The following MCC variants were observed in gnomAD, a reference collection of about 807,000 sequenced individuals.
The protein encoded by MCC is MCC regulator of Wnt signaling pathway, also known as colorectal mutant cancer protein.
In MCC, 90 loss-of-function variants were observed where a neutral mutation model predicts 116.2. The ratio of observed to expected loss-of-function variants is 0.77; its 90% CI spans 0.65 to 0.92. The LOEUF is 0.92. Ranked by LOEUF, MCC falls within the 40% of genes least tolerant of loss-of-function variation. The pLI, the probability that MCC is intolerant of heterozygous loss-of-function variation, is 0.00. For missense variants in MCC, 1,516 were observed against 1,312.2 expected (o/e 1.16, Z -2.40); for synonymous variants, 578 against 510.5 (o/e 1.13, Z -1.78).
intron 3 of MCC, among the ~76,000 whole-genome samples, chr5:113,310,189 G>A (rs1581390636): frequency 6.6e-6 from 1 of 152,202 alleles, no homozygotes; most frequent in East Asian, 1.9e-4. Context: ...AAGAGGTGTG[G>A]CCTTTGGGAA....
At chr5:113,443,586 G>A (rs569953194) in intron 1 of MCC, among the ~76,000 whole-genome samples, 2 of 152,280 alleles carry the variant, frequency 1.3e-5, no homozygotes, top group East Asian at 3.9e-4. Context: ...TTTTCAAAGG[G>A]AATGCTTCCA....
intron 2 of MCC, among the ~76,000 whole-genome samples, chr5:113,353,468 C>G (rs1768332972): frequency 6.6e-6 from 1 of 152,076 alleles, no homozygotes; most frequent in Admixed American, 6.5e-5. Context: ...ACATTTAAAC[C>G]TCTCTCTTTA....
chr5:113,135,546 G>A lies in MCC; in HGVS notation c.884+7672C>T, dbSNP rs559419150. Among the ~76,000 whole-genome samples, 343 of 114,694 alleles carry A rather than the reference G, an allele frequency of 3.0e-3. 6 individuals carry two copies. The highest frequency in any genetic ancestry group is 9.8e-3 in the African/African-American group (325 of 33,092). The allele number at this position is 114,694 out of a possible 152,430, so 75.2% of individuals were successfully genotyped here. A position where few individuals can be genotyped will look rare whatever the true frequency, so the allele number is the denominator to read the frequency against. On this transcript the variant is annotated intron_variant, in intron 5 of 18. Coordinates refer to ENST00000408903, the MANE Select transcript of MCC (RefSeq NM_001085377.2). ...TGCACTCCAGCCTGGGTGACAGAGT[G>A]AGACTCTGTCTCAAAAAAAAAAAAA...
At chr5:113,077,339 T>A (rs1754528529) in intron 11 of MCC, among the ~76,000 whole-genome samples, 1 of 152,096 alleles carries the variant, frequency 6.6e-6, no homozygotes, top group Admixed American at 6.6e-5. Context: ...CCACCCCAAA[T>A]CAACAGAATA....
rs575776109 is a variant in MCC, at chr5:113,396,400, G to A, written c.171-11188C>T. ...TAATCACAGCAGTTTGGGAGCCCAA[G>A]GCGGGCAGATCATTTGAGGCCAAAA... On this transcript the variant is annotated intron_variant, in intron 1 of 18. Transcript: ENST00000408903. 3.9e-5 allele frequency among the ~76,000 whole-genome samples: 6 copies of A among 152,202 alleles called. No individual in the cohort carries two copies. The East Asian group carries it at 7.7e-4, about 20-fold the overall frequency.
At chr5:113,379,214 A>G (rs1159256621) in intron 2 of MCC, among the ~76,000 whole-genome samples, 5 of 152,132 alleles carry the variant, frequency 3.3e-5, no homozygotes, top group African/African-American at 1.2e-4. Flanking sequence ...GTTGCAAGAG[A>G]CTCAATCATC....
chr5:113,380,398 G>T (rs1769088376), intron 2 of MCC, among the ~76,000 whole-genome samples: 1 of 152,138 alleles, frequency 6.6e-6, no homozygotes, highest in Non-Finnish European at 1.5e-5. Context: ...CACTTAATTT[G>T]TCATGTGCTT....
intron 1 of MCC, among the ~76,000 whole-genome samples, chr5:113,455,256 T>A (rs1288903746): frequency 6.6e-6 from 1 of 152,192 alleles, no homozygotes; most frequent in Non-Finnish European, 1.5e-5. Flanking sequence ...GGTCCCTTCT[T>A]GGCCAGCCAA....
At chr5:113,120,886 A>C (rs949591288) in intron 6 of MCC, among the ~76,000 whole-genome samples, 1 of 152,168 alleles carries the variant, frequency 6.6e-6, no homozygotes, top group Non-Finnish European at 1.5e-5. Flanking sequence ...CCTCCGCTCA[A>C]ATACTTCAAG....
At chr5:113,256,719 C>T (rs1010590283) in intron 3 of MCC, among the ~76,000 whole-genome samples, 1 of 152,218 alleles carries the variant, frequency 6.6e-6, no homozygotes, top group East Asian at 1.9e-4. Context: ...TAAGAGCTAT[C>T]TGGCCGCTGC....
intron 3 of MCC, among the ~76,000 whole-genome samples, chr5:113,245,518 A>G (rs971868432): frequency 6.6e-6 from 1 of 152,090 alleles, no homozygotes; most frequent in African/African-American, 2.4e-5. Flanking sequence ...ACCAAGCCTT[A>G]TGTCCTTGAA....
chr5:113,165,200 C>A (rs1319369873), intron 3 of MCC, among the ~76,000 whole-genome samples: 2 of 152,222 alleles, frequency 1.3e-5, no homozygotes, highest in Admixed American at 6.5e-5. Flanking sequence ...TGGTTTGAGT[C>A]TAGCTTGACA....
intron 11 of MCC, among the ~76,000 whole-genome samples, chr5:113,079,583 G>A (rs1429481743): frequency 6.6e-6 from 1 of 152,230 alleles, no homozygotes; most frequent in Non-Finnish European, 1.5e-5. Flanking sequence ...AATAAATGGT[G>A]CTGGGAAAAC....
At chr5:113,291,733 CCTA>C (rs1766502347) in intron 3 of MCC, among the ~76,000 whole-genome samples, 1 of 151,962 alleles carries the variant, frequency 6.6e-6, no homozygotes, top group Non-Finnish European at 1.5e-5. Flanking sequence ...GCAACTTTGC[CCTA>C]CAAGATATTA....
chr5:113,404,093 C>T (rs975817115), intron 1 of MCC, among the ~76,000 whole-genome samples: 1 of 152,106 alleles, frequency 6.6e-6, no homozygotes, highest in African/African-American at 2.4e-5. Context: ...TCTTGAACTC[C>T]TGACCTCAGG....
At chr5:113,429,187 G>C (rs1461140183) in intron 1 of MCC, among the ~76,000 whole-genome samples, 5 of 152,050 alleles carry the variant, frequency 3.3e-5, no homozygotes, top group Admixed American at 1.3e-4. Flanking sequence ...CTGAAGACAG[G>C]GTCTTTAGGA....
chr5:113,202,217 A>AGG (rs1762713583), intron 3 of MCC, among the ~76,000 whole-genome samples: 1 of 152,032 alleles, frequency 6.6e-6, no homozygotes, highest in African/African-American at 2.4e-5. Context: ...AAAGGGGGAA[A>AGG]AAAAAAAAGG....
At chr5:113,419,827 C>A (rs1770272998) in intron 1 of MCC, among the ~76,000 whole-genome samples, 1 of 137,048 alleles carries the variant, frequency 7.3e-6, no homozygotes, top group African/African-American at 2.8e-5. Context: ...ACAATGAGAA[C>A]ACATGGACAC....
intron 3 of MCC, among the ~76,000 whole-genome samples, chr5:113,156,073 A>G (rs1476181133): frequency 6.6e-6 from 1 of 152,050 alleles, no homozygotes; most frequent in Non-Finnish European, 1.5e-5. Flanking sequence ...CAAAGCTGAG[A>G]CTCTAGGGAG....
Sources: gnomAD v4.1 joint callset for allele counts (sites outside exome capture counted in the v4.1 genomes callset) on GRCh38, gnomAD v4.1.1 for gene constraint, MANE v1.5 for transcripts, NCBI Gene and HGNC (gene_info 2026-07-23, HGNC 2026-07-21) for gene names.